NLGN4X: variants seen among roughly 807,000 people sequenced by gnomAD.
The protein encoded by NLGN4X is neuroligin 4 X-linked, also known as neuroligin-4, X-linked.
In NLGN4X, 3 loss-of-function variants were observed where a neutral mutation model predicts 40.3. That is an observed-to-expected ratio of 0.07 (90% CI 0.03 to 0.19). The LOEUF (loss-of-function observed/expected upper bound fraction) is 0.19, where lower values mean the gene tolerates loss of function less well. NLGN4X is among the 10% of genes least tolerant of loss of function. NLGN4X has a pLI of 1.00. For missense variants in NLGN4X, 382 were observed against 708.3 expected, an observed-to-expected ratio of 0.54 and a Z score of 5.23; for synonymous variants, 270 against 306.8, an observed-to-expected ratio of 0.88 and a Z score of 1.25.
At chrX:5,990,778 G>A (rs2035661004) in intron 3 of NLGN4X, among the ~76,000 whole-genome samples, 1 of 111,105 alleles carries the variant, frequency 9.0e-6, no homozygotes, top group Non-Finnish European at 1.9e-5. Context: ...GGAGGGGAAG[G>A]AGGAGAGGGT....
At chrX:6,021,002 TTCTCTCTC>T (rs869309615) in intron 3 of NLGN4X, among the ~76,000 whole-genome samples, 44 of 24,091 alleles carry the variant, frequency 1.8e-3, no homozygotes, top group Non-Finnish European at 2.1e-3. Context: ...CTTCCTTCTT[TTCTCTCTC>T]TCTCTCTCTC....
At position 6,042,658 on chromosome X, in the gene NLGN4X, T is replaced by TA. The variant is rs200723428; in HGVS notation, c.473-13227dup. Among the ~76,000 whole-genome samples the TA allele has an allele frequency of 2.2e-3, 172 of 79,389 alleles. 1 individual carries two copies. The highest frequency in any genetic ancestry group is 3.2e-3 in the Non-Finnish European group (137 of 42,540). 68.9% of individuals were successfully genotyped at this position (79,389 alleles called of 115,157 possible). Reference sequence around the variant, plus strand: ...TAAGATGCTTGTTGAAATGTTGTATTAAAAACCTAACATACCCATAGAGGT... The same window carrying TA: ...TAAGATGCTTGTTGAAATGTTGTATTAAAAAACCTAACATACCCATAGAGGT... On this transcript the variant is annotated intron_variant, in intron 2 of 5. Transcript: ENST00000381095.
chrX:5,905,265 A>ACAGAACTC (rs2032112508), intron 4 of NLGN4X, among the ~76,000 whole-genome samples: 1 of 111,681 alleles, frequency 9.0e-6, no homozygotes, highest in African/African-American at 3.3e-5. Context: ...TAGGGAAGTA[A>ACAGAACTC]CAGAACTCCT....
chrX:5,904,684 A>G (rs2032082471), intron 4 of NLGN4X, among the ~76,000 whole-genome samples: 1 of 112,296 alleles, frequency 8.9e-6, no homozygotes, highest in African/African-American at 3.2e-5. Context: ...GTCCAGAAGT[A>G]TAAAATCTGT....
intron 2 of NLGN4X, among the ~76,000 whole-genome samples, chrX:6,059,908 T>A (rs937812350): frequency 2.7e-5 from 3 of 112,095 alleles, no homozygotes; most frequent in Non-Finnish European, 5.6e-5. Context: ...ACAAAAAGTC[T>A]AATATTTTAA....
At chrX:5,988,622 G>T (rs2035594056) in intron 3 of NLGN4X, among the ~76,000 whole-genome samples, 1 of 112,160 alleles carries the variant, frequency 8.9e-6, no homozygotes, top group South Asian at 3.7e-4. Flanking sequence ...GACTTTAAAA[G>T]GTGAGACTAT....
intron 3 of NLGN4X, among the ~76,000 whole-genome samples, chrX:5,928,372 T>A (rs2033409088): frequency 8.9e-6 from 1 of 111,821 alleles, no homozygotes; most frequent in African/African-American, 3.3e-5. Context: ...GGACACTGAA[T>A]AAATGAATAC....
At chrX:6,045,121 C>T (rs761491967) in intron 2 of NLGN4X, among the ~76,000 whole-genome samples, 82 of 112,222 alleles carry the variant, frequency 7.3e-4, no homozygotes, top group Non-Finnish European at 1.4e-3. Context: ...CAGTGATATA[C>T]AAAAGACACT....
intron 2 of NLGN4X, among the ~76,000 whole-genome samples, chrX:6,105,538 T>C (rs907575094): frequency 8.9e-6 from 1 of 111,947 alleles, no homozygotes; most frequent in Non-Finnish European, 1.9e-5. Context: ...GACTATCGTC[T>C]AGCACGTTTT....
chrX:6,093,550 C>T (rs911395992), intron 2 of NLGN4X, among the ~76,000 whole-genome samples: 1 of 111,172 alleles, frequency 9.0e-6, no homozygotes, highest in Non-Finnish European at 1.9e-5. Flanking sequence ...GATTAAAATA[C>T]GTTGAATTAT....
intron 1 of NLGN4X, among the ~76,000 whole-genome samples, chrX:6,170,010 AT>A (rs770344945): frequency 0.076 from 7,878 of 103,362 alleles, 728 homozygotes; most frequent in African/African-American, 0.25. Flanking sequence ...ACTGGACAAG[AT>A]TTTTTTTTTT....
chrX:5,992,162 C>T (rs1316634466), intron 3 of NLGN4X, among the ~76,000 whole-genome samples: 2 of 111,984 alleles, frequency 1.8e-5, no homozygotes, highest in Non-Finnish European at 3.8e-5. Flanking sequence ...GGAATAAAGA[C>T]AGAAACAAAC....
At chrX:5,982,620 A>C (rs1483964292) in intron 3 of NLGN4X, among the ~76,000 whole-genome samples, 1 of 111,990 alleles carries the variant, frequency 8.9e-6, no homozygotes, top group African/African-American at 3.2e-5. Context: ...TTAGTGCTAA[A>C]ATCATATTTA....
At chrX:6,102,730 C>T (rs1266231061) in intron 2 of NLGN4X, among the ~76,000 whole-genome samples, 2 of 108,003 alleles carry the variant, frequency 1.9e-5, no homozygotes, top group East Asian at 2.9e-4. Context: ...TAAGATAGAT[C>T]GATATATATA....
intron 3 of NLGN4X, among the ~76,000 whole-genome samples, chrX:5,983,660 G>A (rs913886344): frequency 3.6e-5 from 4 of 111,792 alleles, no homozygotes; most frequent in Non-Finnish European, 5.6e-5. Flanking sequence ...CTGGGAAACC[G>A]GGTGCAGTGG....
rs187363261 is a variant in NLGN4X, at chrX:6,012,146, G to C, written c.625+17134C>G. On this transcript the variant is annotated intron_variant, in intron 3 of 5. Coordinates refer to ENST00000381095, the MANE Select transcript of NLGN4X (RefSeq NM_181332.3). ...GATTTAATCACAGAGGGAAAAGACA[G>C]AAAGAATATCCAAGGTAAAAGGTTT... 5.3e-5 allele frequency among the ~76,000 whole-genome samples: 6 copies of C among 112,561 alleles called. No individual in the cohort carries two copies. In the Admixed American group the frequency reaches 5.7e-4, roughly 11 times the overall value.
chrX:5,899,266 G>A (rs769915735), intron 5 of NLGN4X, among the ~76,000 whole-genome samples: 2 of 111,835 alleles, frequency 1.8e-5, no homozygotes, highest in South Asian at 7.5e-4. Flanking sequence ...AAAAATAGAG[G>A]CTTCAGACGG....
intron 1 of NLGN4X, among the ~76,000 whole-genome samples, chrX:6,218,704 T>A (rs992108171): frequency 8.9e-6 from 1 of 112,076 alleles, no homozygotes; most frequent in African/African-American, 3.2e-5. Context: ...CTCCAAGTAG[T>A]CTTGGTAATT....
In NLGN4X at chrX:6,194,539, C is replaced by T. The variant is rs574074729; in HGVS notation, c.-306+34002G>A. On this transcript the variant is annotated intron_variant, in intron 1 of 5. Transcript: ENST00000381095. ...ATCACTCAATACCCTTCTGGGCTTACTTCCATGCTTGAAAAAATATTAATA... is the reference window on the plus strand; with the variant it reads ...ATCACTCAATACCCTTCTGGGCTTATTTCCATGCTTGAAAAAATATTAATA... Among the ~76,000 whole-genome samples the T allele has an allele frequency of 4.5e-5, 5 of 111,693 alleles. No individual in the cohort carries two copies. In the South Asian group the frequency reaches 1.9e-3, roughly 42 times the overall value.
Sources: allele counts gnomAD v4.1 joint callset (sites outside exome capture counted in the v4.1 genomes callset), GRCh38; gene constraint gnomAD v4.1.1; transcripts MANE v1.5; gene names NCBI Gene and HGNC (gene_info 2026-07-23, HGNC 2026-07-21).